The following ANKS1A variants were observed in gnomAD, a reference collection of about 807,000 sequenced individuals.
ANKS1A encodes ankyrin repeat and SAM domain-containing protein 1A.
A neutral mutation model predicts 120.3 loss-of-function variants in ANKS1A; 55 were observed. That is an observed-to-expected ratio of 0.46 (90% CI 0.37 to 0.57). The LOEUF is 0.57. Ranked by LOEUF, ANKS1A falls within the 20% of genes least tolerant of loss-of-function variation. The probability of loss-of-function intolerance (pLI) is 0.00; values close to 1 mark genes in which losing one functional copy is unlikely to be tolerated. For synonymous variants in ANKS1A, 590 were observed against 604.7 expected (o/e 0.98, Z 0.36); for missense variants, 1,123 against 1,480.3 (o/e 0.76, Z 3.96).
At chr6:34,894,638 C>T (rs964311073) in intron 1 of ANKS1A, among the ~76,000 whole-genome samples, 3 of 152,042 alleles carry the variant, frequency 2.0e-5, no homozygotes, top group Non-Finnish European at 2.9e-5. Context: ...GGTGACAGAG[C>T]TAGACCACGT....
At chr6:35,047,115 G>C (rs947638703) in intron 11 of ANKS1A, among the ~76,000 whole-genome samples, 1 of 152,186 alleles carries the variant, frequency 6.6e-6, no homozygotes, top group African/African-American at 2.4e-5. Context: ...AAGTTCAGAG[G>C]TAATTAGGAG....
chr6:35,090,348 G>A lies in ANKS1A; in HGVS notation c.*1739G>A. ...CTGCGCTGCCACTGCGCACATGCTG[G>A]TGCCCGTCTTCCTCCTAAGGGGCCA... On this transcript the variant is annotated 3_prime_UTR_variant, in exon 24 of 24. Coordinates refer to ENST00000360359, the MANE Select transcript of ANKS1A (RefSeq NM_015245.3). 1 of 1,270,144 alleles carries A rather than the reference G, an allele frequency of 7.9e-7. No homozygotes were observed. Among genetic ancestry groups the A allele is most frequent in the South Asian group, 1.3e-5 (1 of 78,872 alleles). 78.7% of individuals were successfully genotyped at this position (1,270,144 alleles called of 1,614,324 possible). A position where few individuals can be genotyped will look rare whatever the true frequency, so the allele number is the denominator to read the frequency against.
chr6:35,028,897 T>A (rs1774760365), intron 11 of ANKS1A, among the ~76,000 whole-genome samples: 1 of 152,246 alleles, frequency 6.6e-6, no homozygotes, highest in South Asian at 2.1e-4. Context: ...CAAATCCTTG[T>A]ACAGAGTCAT....
At position 34,896,798 on chromosome 6, in the gene ANKS1A, C is replaced by T. The variant is rs569760043; in HGVS notation, c.197+7199C>T. On this transcript the variant is annotated intron_variant, in intron 1 of 23. Transcript: ENST00000360359. ...TGGCCAATATGGTAAAACCCCATCT[C>T]TATTAAAAATACAAAATCAGCTGGG... Among the ~76,000 whole-genome samples, 913 of 152,232 alleles carry T rather than the reference C, an allele frequency of 6.0e-3. 8 individuals are homozygous for T. The highest frequency in any genetic ancestry group is 0.018 in the African/African-American group (749 of 41,540).
At chr6:35,061,304 G>A (rs1317061331) in intron 13 of ANKS1A, among the ~76,000 whole-genome samples, 7 of 152,192 alleles carry the variant, frequency 4.6e-5, no homozygotes, top group Admixed American at 4.6e-4. Flanking sequence ...CAGGGATGGG[G>A]GCGTGGCCAC....
chr6:35,054,118 C>T lies in ANKS1A; in HGVS notation c.2030C>T (p.Ser677Phe), dbSNP rs1428358513. The change falls in exon 12 of 24, where the codon TCT becomes TTT. Residue 677 changes from serine (S) to phenylalanine (F), a missense_variant. Physicochemically the swap from Ser to Phe is radical, Grantham distance 155 (BLOSUM62 -2). Transcript: ENST00000360359. ...EWDEIEKIMS[S>F]IGEGIDFSQE... is the part of the protein sequence containing the mutation. ...TTTCAGATTGAGAAAATCATGAGTT[C>T]TATTGGAGAAGGGATTGACTTTTCT... 1.2e-5 allele frequency: 19 copies of T among 1,613,756 alleles called. No homozygotes were observed. The highest frequency in any genetic ancestry group is 1.5e-5 in the Non-Finnish European group (18 of 1,179,818).
At chr6:34,941,339 T>A (rs1271210497) in intron 1 of ANKS1A, among the ~76,000 whole-genome samples, 1 of 152,178 alleles carries the variant, frequency 6.6e-6, no homozygotes, top group African/African-American at 2.4e-5. Flanking sequence ...ACAAATATAT[T>A]CCATTTTTAT....
chr6:35,076,933 A>T (rs888722048), intron 13 of ANKS1A, among the ~76,000 whole-genome samples: 1 of 152,264 alleles, frequency 6.6e-6, no homozygotes, highest in South Asian at 2.1e-4. Flanking sequence ...CCTGGCCACA[A>T]TAGTCCCTAT....
intron 11 of ANKS1A, among the ~76,000 whole-genome samples, chr6:35,035,767 C>T (rs779521120): frequency 2.6e-5 from 4 of 152,230 alleles, no homozygotes; most frequent in Non-Finnish European, 5.9e-5. Context: ...TTCTGTTAAA[C>T]AGAATAAAAC....
intron 1 of ANKS1A, among the ~76,000 whole-genome samples, chr6:34,920,528 A>G (rs1306449145): frequency 6.6e-6 from 1 of 152,162 alleles, no homozygotes; most frequent in Non-Finnish European, 1.5e-5. Flanking sequence ...CTCAGCCTTC[A>G]TTAAGGCAGT....
intron 9 of ANKS1A, among the ~76,000 whole-genome samples, chr6:34,990,997 G>T (rs975862530): frequency 7.2e-5 from 11 of 152,072 alleles, no homozygotes; most frequent in Non-Finnish European, 1.5e-4. Flanking sequence ...GTACTATTAT[G>T]TATATTTTTT....
chr6:35,026,250 A>G (rs1349302556), intron 11 of ANKS1A, among the ~76,000 whole-genome samples: 1 of 152,208 alleles, frequency 6.6e-6, no homozygotes. Flanking sequence ...TTCATTTTAT[A>G]TTATTCTAAG....
At chr6:34,975,464 A>G (rs1440895236) in intron 3 of ANKS1A, among the ~76,000 whole-genome samples, 3 of 149,620 alleles carry the variant, frequency 2.0e-5, no homozygotes, top group Non-Finnish European at 4.5e-5. Context: ...AAAAAACAAC[A>G]AAAAAAAGGA....
intron 9 of ANKS1A, among the ~76,000 whole-genome samples, chr6:34,992,777 A>G (rs1167906845): frequency 2.0e-5 from 3 of 152,228 alleles, no homozygotes; most frequent in Non-Finnish European, 4.4e-5. Context: ...TGTGCTTAGC[A>G]GAATTTTGGA....
At chr6:34,935,102 T>C (rs1769183800) in intron 1 of ANKS1A, among the ~76,000 whole-genome samples, 1 of 152,342 alleles carries the variant, frequency 6.6e-6, no homozygotes, top group South Asian at 2.1e-4. Context: ...CTCTTGTTTT[T>C]TAAAGACAGT....
chr6:34,945,590 G>C (rs1057348320), intron 1 of ANKS1A, among the ~76,000 whole-genome samples: 6 of 152,048 alleles, frequency 3.9e-5, no homozygotes, highest in Non-Finnish European at 7.4e-5. Context: ...TAATTTATTT[G>C]TTCACCCATC....
rs563423233 is a variant in ANKS1A, at chr6:35,029,510, A to G, written c.2010+11451A>G. Among the ~76,000 whole-genome samples the G allele has an allele frequency of 5.0e-4, 76 of 151,498 alleles. 2 individuals carry two copies. The South Asian group carries it at 0.015, about 31-fold the overall frequency. On this transcript the variant is annotated intron_variant, in intron 11 of 23. Transcript: ENST00000360359. Reference sequence around the variant, plus strand: ...ATTACAGGCACCTGCCACCACGCCCAGCTAATCTTTGTATTTTTAGTAGAG... The same window carrying G: ...ATTACAGGCACCTGCCACCACGCCCGGCTAATCTTTGTATTTTTAGTAGAG...
At position 35,086,378 on chromosome 6, in the gene ANKS1A, C is replaced by A. The variant is rs1199171544; in HGVS notation, c.3303+442C>A. On this transcript the variant is annotated intron_variant, in intron 22 of 23. Transcript: ENST00000360359. This position sits in a 1 kb window ranked among gnomAD's most constrained non-coding sequence, Gnocchi z 5.1. ...TAGTCCTGGAGTCAAGGTCTTTACG[C>A]CTCCTGCTGTCTTGTGTGTCAGTCT... 1 of 1,294,098 alleles carries A rather than the reference C, an allele frequency of 7.7e-7. No homozygotes were observed. The highest frequency in any genetic ancestry group is 1.0e-6 in the Non-Finnish European group (1 of 991,706). The allele number at this position is 1,294,098 out of a possible 1,614,324, so 80.2% of individuals were successfully genotyped here. A position where few individuals can be genotyped will look rare whatever the true frequency, so the allele number is the denominator to read the frequency against.
chr6:35,070,024 CAAAAA>C (rs10667602), intron 13 of ANKS1A, among the ~76,000 whole-genome samples: 79 of 95,508 alleles, frequency 8.3e-4, no homozygotes, highest in East Asian at 3.7e-3. Context: ...AAGACTCTGT[CAAAAA>C]AAAAAAAAAA....
Sources: gnomAD v4.1 joint callset for allele counts (sites outside exome capture counted in the v4.1 genomes callset) on GRCh38, gnomAD v4.1.1 for gene constraint, Gnocchi (gnomAD v3.1) non-coding constraint, MANE v1.5 for transcripts, NCBI Gene and HGNC (gene_info 2026-07-23, HGNC 2026-07-21) for gene names.